The following EPB41 variants were observed in gnomAD, a reference collection of about 807,000 sequenced individuals.
The protein encoded by EPB41 is protein 4.1.
In EPB41, 65 loss-of-function variants were observed where a neutral mutation model predicts 108.0. The ratio of observed to expected loss-of-function variants is 0.60; its 90% CI spans 0.49 to 0.74. The LOEUF is 0.74. Among genes scored for constraint, EPB41 ranks in the 30% least tolerant of loss-of-function variants. The pLI, the probability that EPB41 is intolerant of heterozygous loss-of-function variation, is 0.00. For synonymous variants in EPB41, 336 were observed against 358.9 expected (o/e 0.94, Z 0.72); for missense variants, 875 against 1,037.0 (o/e 0.84, Z 2.15).
rs1394519301 is a variant in EPB41 at position 28,915,016 on chromosome 1, G to C, written c.-8+248G>C. On this transcript the variant is annotated intron_variant, in intron 1 of 20. Coordinates refer to ENST00000343067, the MANE Select transcript of EPB41 (RefSeq NM_001376013.1). ...TGAGGAAAGGGGAAGGGGTTGCGTC[G>C]CGGGAGTGTTGGAAAGTTAGGCTTG... 2.0e-5 allele frequency among the ~76,000 whole-genome samples: 3 copies of C among 152,272 alleles called. No individual in the cohort carries two copies. In the East Asian group the frequency reaches 5.8e-4, roughly 29 times the overall value.
rs1671394427 is a variant in EPB41, at chr1:29,118,756, T to G, written c.*1944T>G. On this transcript the variant is annotated 3_prime_UTR_variant, in exon 21 of 21. Coordinates refer to ENST00000343067, the MANE Select transcript of EPB41 (RefSeq NM_001376013.1). ...CTTAGGGGAAAGAGCTTGTCCTATCTCAGGAACAAAATTATAGGCTGTGGG... is the reference window on the plus strand; with the variant it reads ...CTTAGGGGAAAGAGCTTGTCCTATCGCAGGAACAAAATTATAGGCTGTGGG... 2 of 152,232 alleles carry G rather than the reference T, an allele frequency of 1.3e-5. No homozygotes were observed. Among genetic ancestry groups the G allele is most frequent in the Non-Finnish European group, 2.9e-5 (2 of 68,074 alleles). 9.4% of individuals were successfully genotyped at this position (152,232 alleles called of 1,614,324 possible).
intron 1 of EPB41, among the ~76,000 whole-genome samples, chr1:28,974,632 G>A (rs1001980043): frequency 6.6e-6 from 1 of 152,180 alleles, no homozygotes; most frequent in African/African-American, 2.4e-5. Context: ...AGAAGGCTAA[G>A]AGAAGGACAG....
chr1:29,100,195 G>T (rs1041924318), intron 17 of EPB41, among the ~76,000 whole-genome samples: 1 of 151,780 alleles, frequency 6.6e-6, no homozygotes, highest in Non-Finnish European at 1.5e-5. Flanking sequence ...ATTGCTGGGT[G>T]TGGTGGCTCA....
At chr1:29,043,109 T>C (rs920913975) in intron 11 of EPB41, among the ~76,000 whole-genome samples, 6 of 152,142 alleles carry the variant, frequency 3.9e-5, no homozygotes, top group East Asian at 1.9e-4. Flanking sequence ...CCTTCTGTCA[T>C]TGGAAACAAA....
intron 11 of EPB41, among the ~76,000 whole-genome samples, chr1:29,043,902 T>G (rs1322779088): frequency 6.6e-6 from 1 of 152,202 alleles, no homozygotes; most frequent in Non-Finnish European, 1.5e-5. Flanking sequence ...TAGGGCTGAC[T>G]GAATTGCTGA....
At chr1:28,939,722 C>T (rs917061045) in intron 1 of EPB41, among the ~76,000 whole-genome samples, 5 of 152,162 alleles carry the variant, frequency 3.3e-5, no homozygotes, top group African/African-American at 4.8e-5. Context: ...GGATTACAGG[C>T]GTGAGCCATC....
At chr1:29,001,665 G>A (rs1041517003) in intron 4 of EPB41, among the ~76,000 whole-genome samples, 1 of 152,146 alleles carries the variant, frequency 6.6e-6, no homozygotes, top group Admixed American at 6.5e-5. Context: ...AATTTTGAAG[G>A]CATTGCTTCA....
chr1:29,086,988 A>G (rs987956135), intron 16 of EPB41, among the ~76,000 whole-genome samples: 4 of 113,192 alleles, frequency 3.5e-5, no homozygotes, highest in African/African-American at 1.4e-4. Flanking sequence ...TCTGTCGCCC[A>G]GGCTGGGGTG....
At chr1:29,024,618 C>T (rs944408345) in intron 7 of EPB41, among the ~76,000 whole-genome samples, 4 of 151,572 alleles carry the variant, frequency 2.6e-5, no homozygotes, top group Admixed American at 1.3e-4. Context: ...GGCGACAGAG[C>T]GAGACTCCGT....
At chr1:29,110,474 C>A (rs1668783830) in intron 18 of EPB41, among the ~76,000 whole-genome samples, 1 of 152,132 alleles carries the variant, frequency 6.6e-6, no homozygotes, top group Non-Finnish European at 1.5e-5. Flanking sequence ...TTACAGCATT[C>A]CAGGGACAAG....
rs770478541 is a variant in EPB41, at chr1:29,097,791, C to G, written c.2185-16C>G. ...TTCAGAAATACTCTAGTAACTCTTT[C>G]CTTACTGCTTCACAGCCTCCCCTGG... On this transcript the variant is annotated splice_polypyrimidine_tract_variant and intron_variant, in intron 16 of 20. Coordinates refer to ENST00000343067, the MANE Select transcript of EPB41 (RefSeq NM_001376013.1). 16 of 1,613,590 alleles carry G rather than the reference C, an allele frequency of 9.9e-6. No individual in the cohort carries two copies. In the South Asian group the frequency reaches 1.3e-4, roughly 13 times the overall value.
intron 7 of EPB41, among the ~76,000 whole-genome samples, chr1:29,028,325 T>C (rs997165623): frequency 6.6e-6 from 1 of 152,198 alleles, no homozygotes; most frequent in South Asian, 2.1e-4. Flanking sequence ...TGATCCAAAT[T>C]GTGTCTCTTA....
chr1:29,045,520 ATT>A (rs757532981), intron 11 of EPB41, among the ~76,000 whole-genome samples: 25 of 137,156 alleles, frequency 1.8e-4, no homozygotes, highest in Admixed American at 3.7e-4. Flanking sequence ...TGCCCAGCTA[ATT>A]TTTTTTTTTT....
chr1:29,115,687 T>A lies in EPB41; in HGVS notation c.2497-12T>A, dbSNP rs754461509. On this transcript the variant is annotated splice_polypyrimidine_tract_variant and intron_variant, in intron 19 of 20. Coordinates refer to ENST00000343067, the MANE Select transcript of EPB41 (RefSeq NM_001376013.1). This position sits in a 1 kb window ranked among gnomAD's most constrained non-coding sequence, Gnocchi z 4.4. ...TTTTCTGCCTCATTGCCCTTGTTTCTGTCTTTTGTAGGTCCTTGTACAAGC... is the reference window on the plus strand; with the variant it reads ...TTTTCTGCCTCATTGCCCTTGTTTCAGTCTTTTGTAGGTCCTTGTACAAGC... 6.2e-7 allele frequency: 1 copy of A among 1,612,326 alleles called. No individual in the cohort carries two copies. The highest frequency in any genetic ancestry group is 1.1e-5 in the South Asian group (1 of 91,064).
chr1:29,014,663 T>C (rs769057546), intron 5 of EPB41, among the ~76,000 whole-genome samples: 1 of 152,180 alleles, frequency 6.6e-6, no homozygotes, highest in African/African-American at 2.4e-5. Flanking sequence ...ACTCCTGGAC[T>C]CGGGAGAGCC....
At chr1:29,033,410 C>T (rs2096815381) in intron 9 of EPB41, among the ~76,000 whole-genome samples, 165 bp downstream of exon 9, 1 of 152,168 alleles carries the variant, frequency 6.6e-6, no homozygotes, top group South Asian at 2.1e-4. Context: ...GATGCTACTT[C>T]TTTTCCTTAC....
intron 1 of EPB41, among the ~76,000 whole-genome samples, chr1:28,942,817 A>G (rs1451893406): frequency 6.6e-6 from 1 of 152,216 alleles, no homozygotes; most frequent in Non-Finnish European, 1.5e-5. Flanking sequence ...TCCTAAGGCT[A>G]TCCTGGAACC....
chr1:28,907,213 C>T (rs1256013012), intron 1 of EPB41, among the ~76,000 whole-genome samples: 6 of 151,686 alleles, frequency 4.0e-5, no homozygotes, highest in Admixed American at 1.3e-4. Context: ...TACAGGTGCC[C>T]GCGACCACAC....
At chr1:28,989,500 T>G (rs1270578157) in intron 2 of EPB41, 1 of 540,532 alleles carries the variant, frequency 1.9e-6, no homozygotes, top group African/African-American at 2.1e-5. Context: ...ATGTTTCTAT[T>G]ATAGGTCTGA....
Sources: allele counts gnomAD v4.1 joint callset (sites outside exome capture counted in the v4.1 genomes callset), GRCh38; gene constraint gnomAD v4.1.1; non-coding constraint Gnocchi (gnomAD v3.1); transcripts MANE v1.5; gene names NCBI Gene and HGNC (gene_info 2026-07-23, HGNC 2026-07-21).